MDFIC: variants seen among roughly 807,000 people sequenced by gnomAD.
MDFIC encodes myoD family inhibitor domain-containing protein.
In MDFIC, 17 loss-of-function variants were observed where a neutral mutation model predicts 23.2. The observed-to-expected ratio is 0.73, with a 90% CI of 0.50 to 1.10. MDFIC has a LOEUF of 1.10. Among genes scored for constraint, MDFIC ranks in the 50% least tolerant of loss-of-function variants. The pLI is 0.00. For missense variants in MDFIC, 356 were observed against 316.6 expected, an observed-to-expected ratio of 1.12 and a Z score of -0.95; for synonymous variants, 120 against 115.2, an observed-to-expected ratio of 1.04 and a Z score of -0.27.
At chr7:114,971,334 T>C (rs1269138707) in intron 3 of MDFIC, among the ~76,000 whole-genome samples, 1 of 152,194 alleles carries the variant, frequency 6.6e-6, no homozygotes, top group African/African-American at 2.4e-5. Flanking sequence ...ATTTCAACAA[T>C]CTACTTCTGA....
At position 115,015,687 on chromosome 7, in the gene MDFIC, G is replaced by T; in HGVS notation, c.494-1G>T. ...TGGTCTCCTCATCACTGAAAATGAA[G>T]ATTGTTGTGTCCACTGTATCCTGGC... On this transcript the variant is annotated splice_acceptor_variant, in intron 4 of 4. Transcript: ENST00000393486. LOFTEE classifies it high-confidence loss of function. 6.2e-7 allele frequency: 1 copy of T among 1,613,708 alleles called. No individual in the cohort carries two copies. The highest frequency in any genetic ancestry group is 8.5e-7 in the Non-Finnish European group (1 of 1,179,686).
At chr7:114,942,955 G>C (rs1042453691) in intron 3 of MDFIC, among the ~76,000 whole-genome samples, 3 of 152,120 alleles carry the variant, frequency 2.0e-5, no homozygotes, top group African/African-American at 7.2e-5. Flanking sequence ...GTCCATGTGG[G>C]GTTCTGCTCT....
intron 2 of MDFIC, among the ~76,000 whole-genome samples, chr7:114,924,316 A>G (rs1295516181): frequency 1.3e-5 from 2 of 152,350 alleles, no homozygotes; most frequent in East Asian, 1.9e-4. Context: ...TAGTAGTCAT[A>G]TCGACTCATT....
intron 4 of MDFIC, among the ~76,000 whole-genome samples, chr7:115,014,898 A>T (rs1036865408): frequency 6.6e-6 from 1 of 152,176 alleles, no homozygotes; most frequent in Non-Finnish European, 1.5e-5. Context: ...TTTAATGAAC[A>T]TTGTTGTTTA....
At chr7:114,991,169 C>G (rs1040155881) in intron 4 of MDFIC, among the ~76,000 whole-genome samples, 12 of 152,070 alleles carry the variant, frequency 7.9e-5, no homozygotes, top group African/African-American at 2.2e-4. Context: ...GTCTGTTCAT[C>G]TCCTTCGCCC....
At chr7:115,006,919 G>T (rs1791580509) in intron 4 of MDFIC, among the ~76,000 whole-genome samples, 1 of 74,692 alleles carries the variant, frequency 1.3e-5, no homozygotes, top group Non-Finnish European at 2.9e-5. Context: ...CACTGAATAG[G>T]TTCAAGTAAA....
In MDFIC at chr7:115,015,752, C is replaced by T. The variant is rs762283400; in HGVS notation, c.558C>T (p.Val186=). ...AATTCCTGACCCTTTGCAACATTGT[C>T]CTGGGACAAGCGTCATGTGGCATCT... ...FCEFLTLCNI[V]LGQASCGICT... The change falls in exon 5 of 5, where the codon GTC becomes GTT. Residue 186 remains valine (V), a synonymous_variant. Transcript: ENST00000393486. 2 of 1,614,172 alleles carry T rather than the reference C, an allele frequency of 1.2e-6. No homozygotes were observed. Among genetic ancestry groups the T allele is most frequent in the Non-Finnish European group, 8.5e-7 (1 of 1,180,024 alleles).
intron 4 of MDFIC, among the ~76,000 whole-genome samples, chr7:114,996,947 A>G (rs959011750): frequency 6.6e-6 from 1 of 152,188 alleles, no homozygotes; most frequent in Non-Finnish European, 1.5e-5. Context: ...GTAATGGAGA[A>G]GGGATAAAGA....
chr7:114,945,777 C>T (rs1792631881), intron 3 of MDFIC, among the ~76,000 whole-genome samples: 1 of 152,046 alleles, frequency 6.6e-6, no homozygotes. Flanking sequence ...GAATTAAAAA[C>T]AATGGAGGTT....
chr7:114,987,825 A>C (rs1793540208), intron 4 of MDFIC, among the ~76,000 whole-genome samples: 1 of 152,174 alleles, frequency 6.6e-6, no homozygotes, highest in Non-Finnish European at 1.5e-5. Flanking sequence ...GCAATTATCC[A>C]TCAGAAGTAT....
intron 3 of MDFIC, among the ~76,000 whole-genome samples, chr7:114,947,912 C>T (rs899108084): frequency 6.6e-6 from 1 of 152,092 alleles, no homozygotes; most frequent in Non-Finnish European, 1.5e-5. Flanking sequence ...TTGTTATTAT[C>T]CTTGAGCCCA....
chr7:114,979,664 C>T lies in MDFIC; in HGVS notation c.376C>T (p.Pro126Ser), dbSNP rs147422692. ...CGCAGATAATCGCAAACTTTCAGCA[C>T]CTGTTTCTCAAAAAATGCATAGAAA... ...GSADNRKLSA[P>S]VSQKMHRKIQ... The change falls in exon 4 of 5, where the codon CCT becomes TCT. Residue 126 changes from proline (P) to serine (S), a missense_variant. Transcript: ENST00000393486. 211 of 1,614,002 alleles carry T rather than the reference C, an allele frequency of 1.3e-4. 2 individuals carry two copies. The highest frequency in any genetic ancestry group is 1.7e-4 in the Non-Finnish European group (200 of 1,179,988).
At chr7:114,946,514 C>A (rs1379484970) in intron 3 of MDFIC, among the ~76,000 whole-genome samples, 2 of 152,182 alleles carry the variant, frequency 1.3e-5, no homozygotes, top group African/African-American at 4.8e-5. Flanking sequence ...CTTAGCTTCT[C>A]TTCTGAAATA....
chr7:114,935,467 A>G (rs1563136282), intron 2 of MDFIC, among the ~76,000 whole-genome samples: 1 of 152,072 alleles, frequency 6.6e-6, no homozygotes, highest in African/African-American at 2.4e-5. Flanking sequence ...CATAATTTGT[A>G]TTAGTCTTTC....
chr7:114,995,269 T>TA (rs1791298362), intron 4 of MDFIC, among the ~76,000 whole-genome samples: 1 of 152,206 alleles, frequency 6.6e-6, no homozygotes, highest in South Asian at 2.1e-4. Context: ...TCAAGGTTTT[T>TA]ATCTTCTTTG....
chr7:115,005,963 C>T (rs1376379223), intron 4 of MDFIC, among the ~76,000 whole-genome samples: 1 of 152,168 alleles, frequency 6.6e-6, no homozygotes, highest in Admixed American at 6.5e-5. Flanking sequence ...TGTCTCATTT[C>T]GCTGTAACAT....
intron 2 of MDFIC, among the ~76,000 whole-genome samples, chr7:114,932,610 A>G (rs1337519584): frequency 6.6e-6 from 1 of 152,196 alleles, no homozygotes; most frequent in East Asian, 1.9e-4. Context: ...TGGATCTACA[A>G]GTTATCTCCC....
intron 3 of MDFIC, among the ~76,000 whole-genome samples, chr7:114,966,527 C>T (rs1009864537): frequency 4.6e-5 from 7 of 152,094 alleles, no homozygotes; most frequent in East Asian, 3.9e-4. Flanking sequence ...ACCTGCACTT[C>T]GGGCTGATGA....
chr7:114,977,314 A>T (rs1332234963), intron 3 of MDFIC, among the ~76,000 whole-genome samples: 1 of 152,150 alleles, frequency 6.6e-6, no homozygotes, highest in Non-Finnish European at 1.5e-5. Context: ...CAGCACATAG[A>T]TGCTCCCAGA....
Sources: gnomAD v4.1 joint callset for allele counts (sites outside exome capture counted in the v4.1 genomes callset) on GRCh38, gnomAD v4.1.1 for gene constraint, MANE v1.5 for transcripts, NCBI Gene and HGNC (gene_info 2026-07-23, HGNC 2026-07-21) for gene names.